Variants in BMPR1B observed in about 807,000 individuals in gnomAD.
BMPR1B encodes the protein bone morphogenetic protein receptor type 1B, also known as bone morphogenetic protein receptor type-1B.
A neutral mutation model predicts 59.1 loss-of-function variants in BMPR1B; 12 were observed. That is an observed-to-expected ratio of 0.20 (90% CI 0.13 to 0.33). The LOEUF is 0.33. Among genes scored for constraint, BMPR1B ranks in the 10% least tolerant of loss-of-function variants. The pLI is 1.00. For missense variants in BMPR1B, 550 were observed against 610.9 expected (o/e 0.90, Z 1.05); for synonymous variants, 237 against 207.3 (o/e 1.14, Z -1.23).
intron 3 of BMPR1B, among the ~76,000 whole-genome samples, chr4:95,047,301 C>T (rs908546257): frequency 6.6e-6 from 1 of 152,194 alleles, no homozygotes; most frequent in Admixed American, 6.5e-5. Context: ...ATCTAGAAAA[C>T]CACTTTGCAC....
chr4:94,863,986 TAA>T (rs1273540426), intron 1 of BMPR1B, among the ~76,000 whole-genome samples: 3 of 152,248 alleles, frequency 2.0e-5, no homozygotes, highest in African/African-American at 7.2e-5. Context: ...TAGTATCTGG[TAA>T]TGGGGTTAAA....
intron 1 of BMPR1B, among the ~76,000 whole-genome samples, chr4:94,821,185 T>C (rs1411594897): frequency 2.0e-5 from 3 of 152,220 alleles, no homozygotes; most frequent in Non-Finnish European, 4.4e-5. Flanking sequence ...AATCTATAGC[T>C]ACTTTCTTTT....
At chr4:94,955,341 G>A (rs1406994919) in intron 2 of BMPR1B, among the ~76,000 whole-genome samples, 2 of 152,106 alleles carry the variant, frequency 1.3e-5, no homozygotes, top group South Asian at 2.1e-4. Context: ...AATATACACA[G>A]CAGTGAAAAA....
chr4:94,771,480 G>A (rs947768508), intron 1 of BMPR1B, among the ~76,000 whole-genome samples: 1 of 152,166 alleles, frequency 6.6e-6, no homozygotes, highest in African/African-American at 2.4e-5. Context: ...ATTGCATGTG[G>A]AAGGTGCTGA....
At chr4:94,857,657 G>A (rs985827093) in intron 1 of BMPR1B, among the ~76,000 whole-genome samples, 1 of 152,142 alleles carries the variant, frequency 6.6e-6, no homozygotes. Context: ...TTGCTACCCA[G>A]ATTTATTATG....
chr4:95,067,651 G>A (rs1352415590), intron 3 of BMPR1B, among the ~76,000 whole-genome samples: 1 of 152,148 alleles, frequency 6.6e-6, no homozygotes, highest in Non-Finnish European at 1.5e-5. Context: ...TTACCTTTAA[G>A]TCTGAGATGA....
At chr4:94,805,400 G>A (rs964657364) in intron 1 of BMPR1B, among the ~76,000 whole-genome samples, 2 of 152,088 alleles carry the variant, frequency 1.3e-5, no homozygotes, top group African/African-American at 4.8e-5. Context: ...AATTTCATTT[G>A]CTGAAAGGAA....
At chr4:94,782,700 C>CT in intron 1 of BMPR1B, among the ~76,000 whole-genome samples, 1 of 152,286 alleles carries the variant, frequency 6.6e-6, no homozygotes, top group African/African-American at 2.4e-5. Flanking sequence ...ATCACATCAT[C>CT]TTTTATTTCT....
intron 3 of BMPR1B, among the ~76,000 whole-genome samples, chr4:95,055,327 A>T (rs1354681399): frequency 6.6e-6 from 1 of 152,124 alleles, no homozygotes; most frequent in Non-Finnish European, 1.5e-5. Context: ...ATCCAGTAAG[A>T]GGAGGATAAC....
intron 3 of BMPR1B, among the ~76,000 whole-genome samples, chr4:95,066,706 A>G (rs910564712): frequency 1.3e-5 from 2 of 152,194 alleles, no homozygotes; most frequent in African/African-American, 4.8e-5. Flanking sequence ...ATTACATGGG[A>G]ACCTGGTATA....
At chr4:95,139,675 C>T (rs1734068750) in intron 10 of BMPR1B, among the ~76,000 whole-genome samples, 1 of 152,208 alleles carries the variant, frequency 6.6e-6, no homozygotes, top group South Asian at 2.1e-4. Context: ...GCTGTGCTAG[C>T]AATGAGCGAG....
chr4:94,954,584 A>G (rs959944038), intron 2 of BMPR1B, among the ~76,000 whole-genome samples: 3 of 152,214 alleles, frequency 2.0e-5, no homozygotes, highest in African/African-American at 7.2e-5. Context: ...GTTAAGCATA[A>G]TGATAAAGAG....
At position 94,855,915 on chromosome 4, in the gene BMPR1B, TA is replaced by T. The variant is rs199786940; in HGVS notation, c.-182-19913del. Among the ~76,000 whole-genome samples the T allele has an allele frequency of 7.8e-3, 1,195 of 152,316 alleles. 14 individuals carry two copies. Among genetic ancestry groups the T allele is most frequent in the African/African-American group, 0.027 (1,132 of 41,554 alleles). Reference sequence around the variant, plus strand: ...TATTGAAACATCACTGTGTGCCCCATAAATGTGTACAGTTAGTATTTGTCAA... The same window carrying T: ...TATTGAAACATCACTGTGTGCCCCATAATGTGTACAGTTAGTATTTGTCAA... On this transcript the variant is annotated intron_variant, in intron 1 of 12. Transcript: ENST00000515059.
chr4:94,975,367 T>TTTTTA (rs1730987606), intron 2 of BMPR1B, among the ~76,000 whole-genome samples: 1 of 140,864 alleles, frequency 7.1e-6, no homozygotes, highest in African/African-American at 2.7e-5. Flanking sequence ...GTTTTTGTTT[T>TTTTTA]TTTTTTTTTT....
At chr4:95,066,627 T>C (rs1172119360) in intron 3 of BMPR1B, among the ~76,000 whole-genome samples, 1 of 152,024 alleles carries the variant, frequency 6.6e-6, no homozygotes, top group East Asian at 1.9e-4. Context: ...TGTGAGGGAG[T>C]GGAAATTTTT....
chr4:95,086,250 G>A (rs1033162407), intron 3 of BMPR1B, among the ~76,000 whole-genome samples: 8 of 152,048 alleles, frequency 5.3e-5, no homozygotes, highest in African/African-American at 1.7e-4. Context: ...TGTCATGTTC[G>A]TTGCTGTTTG....
intron 2 of BMPR1B, among the ~76,000 whole-genome samples, chr4:94,943,245 T>G (rs181897575): frequency 1.2e-3 from 175 of 152,142 alleles, no homozygotes; most frequent in Admixed American, 5.1e-3. Context: ...GTTCAAGCGC[T>G]TCTCCTGCCT....
At chr4:95,136,763 A>T (rs1320638880) in intron 10 of BMPR1B, among the ~76,000 whole-genome samples, 2 of 151,880 alleles carry the variant, frequency 1.3e-5, no homozygotes, top group Non-Finnish European at 2.9e-5. Flanking sequence ...TATCCCCTTT[A>T]TCATTTTTTT....
chr4:94,972,726 A>G (rs1052671747), intron 2 of BMPR1B, among the ~76,000 whole-genome samples: 3 of 152,108 alleles, frequency 2.0e-5, no homozygotes, highest in African/African-American at 7.2e-5. Context: ...TCAGCTCTGG[A>G]TATAACTGTT....
Sources: gnomAD v4.1 joint callset for allele counts (sites outside exome capture counted in the v4.1 genomes callset) on GRCh38, gnomAD v4.1.1 for gene constraint, MANE v1.5 for transcripts, NCBI Gene and HGNC (gene_info 2026-07-23, HGNC 2026-07-21) for gene names.